Variants in PHF2 observed in about 807,000 individuals in gnomAD.
The protein encoded by PHF2 is lysine-specific demethylase PHF2.
Under a neutral mutation model 120.5 loss-of-function variants are expected in PHF2, and 27 were observed. That is an observed-to-expected ratio of 0.22 (90% CI 0.17 to 0.31). The LOEUF (loss-of-function observed/expected upper bound fraction) is 0.31. Among genes scored for constraint, PHF2 ranks in the 10% least tolerant of loss-of-function variants. The pLI is 1.00. For synonymous variants in PHF2, 568 were observed against 592.5 expected (o/e 0.96, Z 0.60); for missense variants, 1,024 against 1,434.8 (o/e 0.71, Z 4.63).
intron 7 of PHF2, 68 bp downstream of exon 7, chr9:93,654,643 TC>T (rs2117942424): frequency 2.0e-6 from 3 of 1,469,164 alleles, no homozygotes; most frequent in East Asian, 4.6e-5. Context: ...TACTGCCCTG[TC>T]CCTTGGACCG....
rs554044316 is a variant in PHF2 at position 93,579,383 on chromosome 9, T to A, written c.98+2512T>A. Among the ~76,000 whole-genome samples the A allele has an allele frequency of 2.6e-5, 4 of 152,326 alleles. No individual in the cohort carries two copies. In the South Asian group the frequency reaches 8.3e-4, roughly 32 times the overall value. ...CCAAAAATGGTACAGTTTCCCTGTA[T>A]CCTTCTCTCCCTTTCCCTGCAGTGA... On this transcript the variant is annotated intron_variant, in intron 1 of 21. Transcript: ENST00000359246.
At chr9:93,620,661 G>T (rs1825810430) in intron 1 of PHF2, among the ~76,000 whole-genome samples, 1 of 152,224 alleles carries the variant, frequency 6.6e-6, no homozygotes, top group Admixed American at 6.5e-5. Context: ...CTGAAATAAT[G>T]AAGTCATCTG....
At chr9:93,592,403 G>T (rs1825244801) in intron 1 of PHF2, among the ~76,000 whole-genome samples, 1 of 144,338 alleles carries the variant, frequency 6.9e-6, no homozygotes, top group African/African-American at 2.9e-5. Flanking sequence ...AAAATTATCT[G>T]CATCCTTTGC....
rs370469659 is a variant in PHF2, at chr9:93,584,753, T to C, written c.98+7882T>C. 1.1e-4 allele frequency among the ~76,000 whole-genome samples: 16 copies of C among 152,234 alleles called. No homozygotes were observed. In the East Asian group the frequency reaches 1.9e-3, roughly 18 times the overall value. The stretch of plus-strand genomic sequence containing the variant: ...CTTGCGTTCCATATGAATTTGAGGA[T>C]TGGCTTTTCCATTTCTGCAAAAAAA... On this transcript the variant is annotated intron_variant, in intron 1 of 21. Coordinates refer to ENST00000359246, the MANE Select transcript of PHF2 (RefSeq NM_005392.4).
At chr9:93,600,309 C>T (rs753328371) in intron 1 of PHF2, among the ~76,000 whole-genome samples, 16 of 151,996 alleles carry the variant, frequency 1.1e-4, no homozygotes, top group South Asian at 2.1e-4. Context: ...GTGTTAGGCA[C>T]CTCACATTTC....
intron 16 of PHF2, among the ~76,000 whole-genome samples, chr9:93,666,268 G>C (rs1035219304): frequency 6.6e-6 from 1 of 152,212 alleles, no homozygotes; most frequent in South Asian, 2.1e-4. Flanking sequence ...CTGGGCGTGC[G>C]AGGGGTGTGT....
intron 1 of PHF2, among the ~76,000 whole-genome samples, chr9:93,609,988 C>T (rs1187418145): frequency 6.6e-6 from 1 of 152,142 alleles, no homozygotes; most frequent in East Asian, 1.9e-4. Context: ...AGCCACCGCG[C>T]CTGACCTCCC....
intron 6 of PHF2, among the ~76,000 whole-genome samples, chr9:93,653,575 C>T (rs1826405327): frequency 6.6e-6 from 1 of 152,190 alleles, no homozygotes; most frequent in Admixed American, 6.5e-5. Flanking sequence ...ATGAGTGTCT[C>T]CTTGTTCTGA....
At chr9:93,589,872 GTGAA>G (rs1863137039) in intron 1 of PHF2, among the ~76,000 whole-genome samples, 1 of 152,138 alleles carries the variant, frequency 6.6e-6, no homozygotes, top group Non-Finnish European at 1.5e-5. Context: ...GCAGTGCGCT[GTGAA>G]TGTGATTCTG....
chr9:93,581,534 G>A lies in PHF2; in HGVS notation c.98+4663G>A, dbSNP rs536860546. Among the ~76,000 whole-genome samples, 4 of 152,220 alleles carry A rather than the reference G, an allele frequency of 2.6e-5. No individual in the cohort carries two copies. In the South Asian group the frequency reaches 8.3e-4, roughly 32 times the overall value. On this transcript the variant is annotated intron_variant, in intron 1 of 21. Transcript: ENST00000359246. ...AAGTTCTGGAGGAGGTGGGAAGAAT[G>A]TCAGGCCAGCTTCTAGAGGGTAAAG...
chr9:93,580,878 G>T (rs1470384367), intron 1 of PHF2, among the ~76,000 whole-genome samples: 1 of 152,172 alleles, frequency 6.6e-6, no homozygotes, highest in Non-Finnish European at 1.5e-5. Flanking sequence ...GAGGAGGGGC[G>T]AGAGTGGACT....
At chr9:93,601,201 G>A (rs1415254266) in intron 1 of PHF2, among the ~76,000 whole-genome samples, 1 of 152,166 alleles carries the variant, frequency 6.6e-6, no homozygotes, top group Non-Finnish European at 1.5e-5. Context: ...CCCATCTACT[G>A]AAACCGTGCA....
At chr9:93,600,575 C>T (rs959851942) in intron 1 of PHF2, among the ~76,000 whole-genome samples, 32 of 152,224 alleles carry the variant, frequency 2.1e-4, no homozygotes, top group African/African-American at 7.7e-4. Flanking sequence ...GAGCTCTTCA[C>T]CTCTCTCAGC....
chr9:93,673,613 G>T lies in PHF2; in HGVS notation c.2377G>T (p.Glu793Ter). The T allele has an allele frequency of 6.3e-7, 1 of 1,588,732 alleles. No homozygotes were observed. The highest frequency in any genetic ancestry group is 8.6e-7 in the Non-Finnish European group (1 of 1,163,552). The change falls in exon 18 of 22, where the codon GAA becomes TAA. Residue 793 changes from glutamate to a stop codon, truncating the protein, a stop_gained. Coordinates refer to ENST00000359246, the MANE Select transcript of PHF2 (RefSeq NM_005392.4). LOFTEE classifies it high-confidence loss of function. The part of the protein sequence containing the change: ...SQPPASPSTQ[E>*]AIQGMLSMAN... ...GCCCCCGGCCTCCCCCAGCACACAG[G>T]AAGCCATTCAGGGAATGCTGTCCAT... is the stretch of plus-strand genomic sequence containing the variant.
At chr9:93,584,832 T>G (rs1863006031) in intron 1 of PHF2, among the ~76,000 whole-genome samples, 1 of 152,248 alleles carries the variant, frequency 6.6e-6, no homozygotes, top group Non-Finnish European at 1.5e-5. Flanking sequence ...TGCTTTGTCA[T>G]CTTAATAGTA....
At chr9:93,651,353 C>T (rs1587706967) in intron 5 of PHF2, among the ~76,000 whole-genome samples, 1 of 152,286 alleles carries the variant, frequency 6.6e-6, no homozygotes, top group Admixed American at 6.5e-5. Flanking sequence ...TTCTGTTGGG[C>T]CTTTCAGGGC....
At chr9:93,584,064 G>C (rs996862102) in intron 1 of PHF2, among the ~76,000 whole-genome samples, 2 of 152,112 alleles carry the variant, frequency 1.3e-5, no homozygotes, top group Non-Finnish European at 2.9e-5. Flanking sequence ...TCGACCTCAG[G>C]TGATCTTCCT....
intron 1 of PHF2, among the ~76,000 whole-genome samples, chr9:93,602,345 C>T (rs1208249372): frequency 1.5e-4 from 23 of 150,174 alleles, no homozygotes; most frequent in Admixed American, 9.3e-4. Flanking sequence ...CTCTGCCTCC[C>T]GGGTTCGAGT....
intron 1 of PHF2, among the ~76,000 whole-genome samples, chr9:93,610,814 C>T (rs541928822): frequency 6.6e-6 from 1 of 152,276 alleles, no homozygotes; most frequent in East Asian, 1.9e-4. Context: ...TTGTTTTGGT[C>T]TGTACATTTC....
Sources: allele counts gnomAD v4.1 joint callset (sites outside exome capture counted in the v4.1 genomes callset), GRCh38; gene constraint gnomAD v4.1.1; transcripts MANE v1.5; gene names NCBI Gene and HGNC (gene_info 2026-07-23, HGNC 2026-07-21).